Variants in MKLN1 observed in about 807,000 individuals in gnomAD.
MKLN1 encodes the protein muskelin 1, also known as muskelin.
A neutral mutation model predicts 99.0 loss-of-function variants in MKLN1; 18 were observed. The observed-to-expected ratio is 0.18, with a 90% CI of 0.13 to 0.27. The LOEUF (loss-of-function observed/expected upper bound fraction) is 0.27, where lower values mean the gene tolerates loss of function less well. Ranked by LOEUF, MKLN1 falls within the 10% of genes least tolerant of loss-of-function variation. The probability of loss-of-function intolerance (pLI) is 1.00; values close to 1 mark genes in which losing one functional copy is unlikely to be tolerated. For missense variants in MKLN1, 621 were observed against 875.9 expected (o/e 0.71, Z 3.67); for synonymous variants, 288 against 293.2 (o/e 0.98, Z 0.18).
At chr7:131,347,032 A>G (rs1362274948) in intron 1 of MKLN1, among the ~76,000 whole-genome samples, 1 of 152,216 alleles carries the variant, frequency 6.6e-6, no homozygotes, top group Non-Finnish European at 1.5e-5. Flanking sequence ...TGACTGGGAT[A>G]CAGGACTTGA....
intron 1 of MKLN1, among the ~76,000 whole-genome samples, chr7:131,127,165 CAAAA>C (rs59463348): frequency 6.1e-5 from 6 of 98,752 alleles, no homozygotes; most frequent in Admixed American, 9.0e-5. Flanking sequence ...AACTCCATCT[CAAAA>C]AAAAAAAAAA....
intron 1 of MKLN1, among the ~76,000 whole-genome samples, chr7:131,133,600 C>T (rs1260558791): frequency 6.6e-6 from 1 of 151,032 alleles, no homozygotes; most frequent in Non-Finnish European, 1.5e-5. Flanking sequence ...GATCCGCCCG[C>T]CTCGGCCTCC....
At chr7:131,486,810 C>A (rs957249354) in intron 17 of MKLN1, among the ~76,000 whole-genome samples, 1 of 152,110 alleles carries the variant, frequency 6.6e-6, no homozygotes, top group Non-Finnish European at 1.5e-5. Context: ...CTGAATATTC[C>A]TTTAGCTGGA....
intron 1 of MKLN1, among the ~76,000 whole-genome samples, chr7:131,117,107 A>G (rs1443151534): frequency 6.6e-6 from 1 of 152,098 alleles, no homozygotes; most frequent in Non-Finnish European, 1.5e-5. Flanking sequence ...AAGACTGAAA[A>G]CAGCCATCAA....
chr7:131,265,779 G>A (rs1797799076), intron 3 of MKLN1, among the ~76,000 whole-genome samples: 1 of 152,202 alleles, frequency 6.6e-6, no homozygotes, highest in African/African-American at 2.4e-5. Context: ...AATAAAGCCT[G>A]ACCAAGTTAA....
intron 3 of MKLN1, among the ~76,000 whole-genome samples, chr7:131,238,374 A>G (rs758726146): frequency 1.3e-5 from 2 of 152,236 alleles, no homozygotes; most frequent in African/African-American, 4.8e-5. Context: ...ATTCACCCCG[A>G]AACATTTATT....
At chr7:131,231,184 G>T (rs1797238844) in intron 3 of MKLN1, among the ~76,000 whole-genome samples, 2 of 147,418 alleles carry the variant, frequency 1.4e-5, no homozygotes, top group South Asian at 4.3e-4. Context: ...GAGAGGAGAA[G>T]ATAAACATTT....
At chr7:131,185,375 C>T (rs1339666395) in intron 2 of MKLN1, among the ~76,000 whole-genome samples, 11 of 150,156 alleles carry the variant, frequency 7.3e-5, no homozygotes, top group African/African-American at 2.5e-4. Flanking sequence ...GTCAGAAGTT[C>T]GAGACCAGCC....
At chr7:131,115,898 AT>A (rs568739344) in intron 1 of MKLN1, among the ~76,000 whole-genome samples, 1 of 151,966 alleles carries the variant, frequency 6.6e-6, no homozygotes, top group Non-Finnish European at 1.5e-5. Flanking sequence ...TCCTAGATAT[AT>A]TTTTTTCATA....
chr7:131,235,597 G>A (rs1797309379), intron 3 of MKLN1, among the ~76,000 whole-genome samples: 1 of 152,112 alleles, frequency 6.6e-6, no homozygotes, highest in African/African-American at 2.4e-5. Context: ...ATTCCGGAAA[G>A]GAAAAGGAAA....
chr7:131,399,155 ATTAG>A (rs1225681119), intron 5 of MKLN1, 82 bp from the exon 6 acceptor site: 13 of 1,123,854 alleles, frequency 1.2e-5, no homozygotes, highest in Admixed American at 9.4e-5. Context: ...CTCAGTGTAG[ATTAG>A]TTATTTTTAC....
chr7:131,261,689 C>T (rs1024999331), intron 3 of MKLN1, among the ~76,000 whole-genome samples: 1 of 152,186 alleles, frequency 6.6e-6, no homozygotes, highest in African/African-American at 2.4e-5. Flanking sequence ...ATGACACATG[C>T]ATGCATATGT....
chr7:131,197,785 G>C (rs1241214789), intron 2 of MKLN1, among the ~76,000 whole-genome samples: 1 of 148,084 alleles, frequency 6.8e-6, no homozygotes, highest in East Asian at 1.9e-4. Context: ...TGCCAAAAAA[G>C]AAAAAAAAAG....
At chr7:131,284,807 G>T (rs1441190545) in intron 3 of MKLN1, among the ~76,000 whole-genome samples, 1 of 152,158 alleles carries the variant, frequency 6.6e-6, no homozygotes, top group African/African-American at 2.4e-5. Context: ...AGCATTTGTG[G>T]CTTTTTCAAA....
At chr7:131,464,237 A>T (rs983017870) in intron 13 of MKLN1, 57 bp from the exon 14 acceptor site, 1 of 1,039,444 alleles carries the variant, frequency 9.6e-7, no homozygotes, top group African/African-American at 1.6e-5. Flanking sequence ...TGCTTGCTAC[A>T]GTTGTATTAT....
intron 3 of MKLN1, among the ~76,000 whole-genome samples, chr7:131,248,533 T>C (rs748989093): frequency 1.3e-5 from 2 of 152,228 alleles, no homozygotes; most frequent in Admixed American, 6.5e-5. Context: ...TTAATGGATC[T>C]TTTGCTTACT....
intron 7 of MKLN1, 136 bp downstream of exon 7, chr7:131,411,519 T>C (rs759879089): frequency 6.3e-5 from 41 of 653,500 alleles, no homozygotes; most frequent in African/African-American, 1.1e-4. Flanking sequence ...TCATGTCTAA[T>C]CCCAATACTT....
At chr7:131,475,849 G>T (rs911549794) in intron 16 of MKLN1, among the ~76,000 whole-genome samples, 3 of 152,008 alleles carry the variant, frequency 2.0e-5, no homozygotes, top group Non-Finnish European at 4.4e-5. Context: ...CAAGAGAGAC[G>T]TTACAAGCAA....
chr7:131,172,232 C>T lies in MKLN1; in HGVS notation c.-297+29291C>T, dbSNP rs954201328. On this transcript the variant is annotated intron_variant, in intron 2 of 7. Coordinates refer to the MKLN1 transcript ENST00000416992. ...CTCGGCTCACTGCAAGCTCTGACTC[C>T]GGGGTTCAGGCCAGTCTCCTATCTC... 4.6e-5 allele frequency among the ~76,000 whole-genome samples: 7 copies of T among 151,980 alleles called. No homozygotes were observed. In the East Asian group the frequency reaches 1.3e-3, roughly 29 times the overall value.
Sources: gnomAD v4.1 joint callset for allele counts (sites outside exome capture counted in the v4.1 genomes callset) on GRCh38, gnomAD v4.1.1 for gene constraint, MANE v1.5 for transcripts, NCBI Gene and HGNC (gene_info 2026-07-23, HGNC 2026-07-21) for gene names.